Variants in SHTN1 observed in about 807,000 individuals in gnomAD.
SHTN1 encodes shootin 1, also known as shootin-1.
In SHTN1, 42 loss-of-function variants were observed where a neutral mutation model predicts 83.1. The ratio of observed to expected loss-of-function variants is 0.51; its 90% CI spans 0.39 to 0.65. SHTN1 has a LOEUF of 0.65. Ranked by LOEUF, SHTN1 falls within the 30% of genes least tolerant of loss-of-function variation. SHTN1 has a pLI of 0.00. For missense variants in SHTN1, 622 were observed against 737.8 expected (o/e 0.84, Z 1.82); for synonymous variants, 224 against 247.7 (o/e 0.90, Z 0.90).
intron 1 of SHTN1, among the ~76,000 whole-genome samples, chr10:117,065,786 A>G (rs1852981695): frequency 1.6e-4 from 2 of 12,730 alleles, no homozygotes; most frequent in African/African-American, 2.8e-4. Flanking sequence ...GAAAGAAAGG[A>G]AGGAAGGAAG....
intron 16 of SHTN1, among the ~76,000 whole-genome samples, chr10:116,898,182 G>T (rs189953350): frequency 3.9e-5 from 6 of 152,164 alleles, no homozygotes; most frequent in Non-Finnish European, 7.4e-5. Flanking sequence ...ACAAAAATTA[G>T]CTGGGCATGG....
intron 2 of SHTN1, among the ~76,000 whole-genome samples, chr10:117,027,866 G>A (rs1186095762): frequency 6.6e-6 from 1 of 152,152 alleles, no homozygotes; most frequent in Non-Finnish European, 1.5e-5. Context: ...GTGGGGCATT[G>A]CTATAAAGAC....
Position 116,930,021 on chromosome 10 carries a change from A to G in SHTN1, c.859-19T>C. On this transcript the variant is annotated intron_variant, in intron 9 of 16. Transcript: ENST00000355371. ...CTTTGACCTATAAGTTATTTAAAAA[A>G]AAAAGACTTTTATGGCTGACAGTTT... is the stretch of plus-strand genomic sequence containing the variant. 6.7e-7 allele frequency: 1 copy of G among 1,501,224 alleles called. No homozygotes were observed. The allele number at this position is 1,501,224 out of a possible 1,614,324, so 93.0% of individuals were successfully genotyped here.
In SHTN1 at chr10:116,882,736, C is replaced by G. The variant is rs1327904633; in HGVS notation, c.*3608G>C. ...GACCTTAATTTCCTCATAACAGAGC[C>G]AACTCTTTATTCTCAAAGCTATGAT... On this transcript the variant is annotated 3_prime_UTR_variant, in exon 17 of 17. Transcript: ENST00000355371. The G allele has an allele frequency of 6.6e-6, 1 of 152,102 alleles. No homozygotes were observed. The highest frequency in any genetic ancestry group is 2.4e-5 in the African/African-American group (1 of 41,400). 9.4% of individuals were successfully genotyped at this position (152,102 alleles called of 1,614,324 possible). A position where few individuals can be genotyped will look rare whatever the true frequency, so the allele number is the denominator to read the frequency against.
chr10:117,044,324 T>C (rs768726651), intron 2 of SHTN1, among the ~76,000 whole-genome samples: 2 of 152,098 alleles, frequency 1.3e-5, no homozygotes, highest in Non-Finnish European at 2.9e-5. Context: ...TATTATCACA[T>C]TGATTTACCT....
intron 7 of SHTN1, among the ~76,000 whole-genome samples, chr10:116,946,603 TGATTTATATATAAATATATAAAATG>T (rs1849600248): frequency 1.7e-5 from 2 of 117,658 alleles, no homozygotes; most frequent in Non-Finnish European, 3.3e-5. Flanking sequence ...ATATATAAAA[TGATTTATATATAAATATATAAAATG>T]ATTTATATAT....
intron 1 of SHTN1, among the ~76,000 whole-genome samples, chr10:117,089,098 C>A (rs1853391535): frequency 6.6e-6 from 1 of 152,138 alleles, no homozygotes; most frequent in African/African-American, 2.4e-5. Context: ...GCCCTATTAG[C>A]AACAGTTCTA....
rs1847957787 is a variant in SHTN1 at position 116,906,064 on chromosome 10, C to T, written c.1480+563G>A. On this transcript the variant is annotated intron_variant, in intron 15 of 16. Coordinates refer to ENST00000355371, the MANE Select transcript of SHTN1 (RefSeq NM_001127211.3). ...GGATACAAAGAGTAAAGATGATTTT[C>T]CTGCATTTGTAACTGATGTGTAATT... Among the ~76,000 whole-genome samples, 3 of 152,238 alleles carry T rather than the reference C, an allele frequency of 2.0e-5. No individual in the cohort carries two copies. The South Asian group carries it at 6.2e-4, about 31-fold the overall frequency.
intron 1 of SHTN1, among the ~76,000 whole-genome samples, chr10:117,095,944 G>A (rs1853498566): frequency 6.6e-6 from 1 of 152,100 alleles, no homozygotes; most frequent in Non-Finnish European, 1.5e-5. Context: ...CCTCTATTTT[G>A]CCCTTGAGCT....
intron 1 of SHTN1, among the ~76,000 whole-genome samples, chr10:117,081,084 G>A (rs1853254316): frequency 6.6e-6 from 1 of 151,392 alleles, no homozygotes; most frequent in African/African-American, 2.4e-5. Context: ...GAATAGGAGT[G>A]GTGAGAGAGG....
At chr10:117,001,782 T>C (rs1019987591) in intron 1 of SHTN1, among the ~76,000 whole-genome samples, 1 of 152,224 alleles carries the variant, frequency 6.6e-6, no homozygotes, top group Non-Finnish European at 1.5e-5. Flanking sequence ...CTGGAGGTAA[T>C]GGATATCCCA....
chr10:116,982,356 A>G (rs1352964589), intron 1 of SHTN1, among the ~76,000 whole-genome samples: 3 of 152,210 alleles, frequency 2.0e-5, no homozygotes, highest in Non-Finnish European at 4.4e-5. Flanking sequence ...GGAAAGTATG[A>G]GAATAATTCA....
intron 1 of SHTN1, among the ~76,000 whole-genome samples, chr10:117,099,751 A>T (rs1853561502): frequency 6.6e-6 from 1 of 152,120 alleles, no homozygotes; most frequent in African/African-American, 2.4e-5. Flanking sequence ...TTTATTGACC[A>T]TTTCCTTTCT....
chr10:116,894,629 AGTTCCCTTTC>A (rs1357156011), intron 16 of SHTN1, among the ~76,000 whole-genome samples: 3 of 152,254 alleles, frequency 2.0e-5, no homozygotes, highest in Non-Finnish European at 4.4e-5. Flanking sequence ...ATGGAACAGG[AGTTCCCTTTC>A]GAAGGGCTTC....
At chr10:117,052,021 T>TATATATATATATATATAGAA (rs1491406210) in intron 1 of SHTN1, among the ~76,000 whole-genome samples, 1 of 136,560 alleles carries the variant, frequency 7.3e-6, no homozygotes, top group African/African-American at 2.7e-5. Context: ...TATATATATA[T>TATATATATATATATATAGAA]AGAAAAGCCT....
At chr10:117,107,928 C>T (rs970146337) in intron 1 of SHTN1, among the ~76,000 whole-genome samples, 4 of 152,106 alleles carry the variant, frequency 2.6e-5, no homozygotes, top group African/African-American at 7.2e-5. Flanking sequence ...TGGACTCAAG[C>T]GATCCTCCCA....
intron 1 of SHTN1, among the ~76,000 whole-genome samples, chr10:117,090,864 T>G: frequency 6.7e-6 from 1 of 149,558 alleles, no homozygotes; most frequent in African/African-American, 2.5e-5. Flanking sequence ...AAAAAGAGGA[T>G]AGAGAAGGGG....
chr10:116,907,870 A>G (rs1340224215), intron 14 of SHTN1: 1 of 517,548 alleles, frequency 1.9e-6, no homozygotes, highest in Admixed American at 1.9e-5. Context: ...TAATGTTTGA[A>G]CTCACTAAGG....
chr10:116,948,454 A>G (rs1849664221), intron 7 of SHTN1, among the ~76,000 whole-genome samples: 1 of 152,238 alleles, frequency 6.6e-6, no homozygotes, highest in Admixed American at 6.5e-5. Flanking sequence ...CAGAACAAGT[A>G]TGCACTTTGT....
Sources: gnomAD v4.1 joint callset for allele counts (sites outside exome capture counted in the v4.1 genomes callset) on GRCh38, gnomAD v4.1.1 for gene constraint, MANE v1.5 for transcripts, NCBI Gene and HGNC (gene_info 2026-07-23, HGNC 2026-07-21) for gene names.